FLNB: variants seen among roughly 807,000 people sequenced by gnomAD.
FLNB encodes filamin-B.
Under a neutral mutation model 250.6 loss-of-function variants are expected in FLNB, and 111 were observed. The ratio of observed to expected loss-of-function variants is 0.44; its 90% CI spans 0.38 to 0.52. FLNB has a LOEUF of 0.52. FLNB is among the 20% of genes least tolerant of loss of function. The pLI is 0.00. For synonymous variants in FLNB, 1,302 were observed against 1,372.1 expected, an observed-to-expected ratio of 0.95 and a Z score of 1.13; for missense variants, 2,869 against 3,447.8, an observed-to-expected ratio of 0.83 and a Z score of 4.20.
chr3:58,160,722 GGTGGCTCACAC>G (rs2097360059), intron 42 of FLNB, among the ~76,000 whole-genome samples: 5 of 152,106 alleles, frequency 3.3e-5, no homozygotes, highest in South Asian at 4.1e-4. Context: ...GACCAGGCAT[GGTGGCTCACAC>G]CTGTAATCTC....
intron 1 of FLNB, among the ~76,000 whole-genome samples, chr3:58,038,041 G>A (rs1188520536): frequency 1.3e-5 from 2 of 151,988 alleles, no homozygotes; most frequent in Non-Finnish European, 2.9e-5. Flanking sequence ...TTGTTTGTTT[G>A]TTTTTATGAC....
At chr3:58,095,764 G>A (rs948863881) in intron 5 of FLNB, among the ~76,000 whole-genome samples, 3 of 152,142 alleles carry the variant, frequency 2.0e-5, no homozygotes, top group Non-Finnish European at 4.4e-5. Context: ...TTCCCCCACC[G>A]GGGCAGGGAT....
At chr3:58,108,603 T>C (rs747442945) in intron 13 of FLNB, 32 bp downstream of exon 13, 2 of 1,413,330 alleles carry the variant, frequency 1.4e-6, no homozygotes, top group South Asian at 2.3e-5. Flanking sequence ...GTGCAGGTAA[T>C]TGTCAGGTAA....
intron 1 of FLNB, among the ~76,000 whole-genome samples, chr3:58,045,487 C>T (rs2097152461): frequency 1.3e-5 from 2 of 152,146 alleles, no homozygotes. Context: ...TTTTAAAGCT[C>T]ATCAGCTATC....
Position 58,123,247 on chromosome 3 carries a change from C to G in FLNB, c.3281C>G (p.Thr1094Ser), listed in dbSNP as rs2097292068. 1 of 1,614,144 alleles carries G rather than the reference C, an allele frequency of 6.2e-7. No homozygotes were observed. Among genetic ancestry groups the G allele is most frequent in the Non-Finnish European group, 8.5e-7 (1 of 1,180,024 alleles). The change falls in exon 21 of 46, where the codon ACC becomes AGC. Residue 1094 changes from threonine (T) to serine (S), a missense_variant. This residue lies in a region of FLNB where 1,348 missense variants were observed against 1,466.7 expected (regional missense o/e 0.92). Transcript: ENST00000295956. ...GAGTGCTCCGACAATGGTGATGGGA[C>G]CTGCTCCGTCTCTTACCTTCCCACA... ...KIECSDNGDGTCSVSYLPTKP... is the reference protein window; with the variant it reads ...KIECSDNGDGSCSVSYLPTKP...
At position 58,091,903 on chromosome 3, in the gene FLNB, A is replaced by C. The variant is rs1488996280; in HGVS notation, c.788-2933A>C. Among the ~76,000 whole-genome samples, 3 of 152,218 alleles carry C rather than the reference A, an allele frequency of 2.0e-5. No homozygotes were observed. In the East Asian group the frequency reaches 5.8e-4, roughly 29 times the overall value. On this transcript the variant is annotated intron_variant, in intron 4 of 45. Transcript: ENST00000295956. ...TCTGGGGGCTGGATTTTACTTTTACAAACAATTTAAAACTTTTTACAGTTA... is the reference window on the plus strand; with the variant it reads ...TCTGGGGGCTGGATTTTACTTTTACCAACAATTTAAAACTTTTTACAGTTA...
chr3:58,143,732 C>T lies in FLNB; in HGVS notation c.5425+119C>T, dbSNP rs996333068. 26 of 1,227,512 alleles carry T rather than the reference C, an allele frequency of 2.1e-5. No individual in the cohort carries two copies. The Admixed American group carries it at 3.2e-4, about 15-fold the overall frequency. The allele number at this position is 1,227,512 out of a possible 1,614,324, so 76.0% of individuals were successfully genotyped here. ...CTCGGCAGCAGGCTGGAGAATGCAG[C>T]GTTGGTACCCCTGTGAAACCAAACA... On this transcript the variant is annotated intron_variant, in intron 32 of 45. Coordinates refer to ENST00000295956, the MANE Select transcript of FLNB (RefSeq NM_001457.4).
intron 1 of FLNB, among the ~76,000 whole-genome samples, chr3:58,026,679 G>A (rs1559643540): frequency 6.6e-6 from 1 of 152,134 alleles, no homozygotes; most frequent in Non-Finnish European, 1.5e-5. Context: ...ATGGATAGAA[G>A]GAATCTGTCT....
At chr3:58,101,062 A>T (rs1296735478) in intron 8 of FLNB, among the ~76,000 whole-genome samples, 1 of 152,210 alleles carries the variant, frequency 6.6e-6, no homozygotes, top group Non-Finnish European at 1.5e-5. Flanking sequence ...TTCACAATGG[A>T]AAACCAAAGT....
At chr3:58,090,024 T>C (rs2097223837) in intron 4 of FLNB, among the ~76,000 whole-genome samples, 1 of 152,194 alleles carries the variant, frequency 6.6e-6, no homozygotes, top group Admixed American at 6.5e-5. Flanking sequence ...TGACCTTAGG[T>C]GATCCACCTC....
intron 1 of FLNB, among the ~76,000 whole-genome samples, chr3:58,070,952 G>T (rs9845820): frequency 3.4e-4 from 48 of 139,654 alleles, no homozygotes; most frequent in African/African-American, 1.1e-3. Flanking sequence ...TCTCTCTCTT[G>T]TTTTTTTTTT....
At chr3:58,069,240 T>C (rs1271675818) in intron 1 of FLNB, among the ~76,000 whole-genome samples, 1 of 144,240 alleles carries the variant, frequency 6.9e-6, no homozygotes, top group African/African-American at 2.6e-5. Flanking sequence ...TTCTTTTTTT[T>C]TTTTTTTTTT....
rs760921557 is a variant in FLNB, at chr3:58,008,884, C to G, written c.292+28C>G. ...GAGTTCTCTGGCCGGGCCCAGGCGC[C>G]CACTGTGGTGCCGACCCGCCCCCGC... On this transcript the variant is annotated intron_variant, in intron 1 of 45. Transcript: ENST00000295956. The G allele has an allele frequency of 2.4e-5, 39 of 1,612,870 alleles. No homozygotes were observed. In the Middle Eastern group the frequency reaches 6.6e-4, roughly 27 times the overall value.
At chr3:58,023,187 C>T in intron 1 of FLNB, among the ~76,000 whole-genome samples, 1 of 147,776 alleles carries the variant, frequency 6.8e-6, no homozygotes, top group East Asian at 2.0e-4. Flanking sequence ...CAACTTCTGC[C>T]TCCTGGGTTC....
intron 1 of FLNB, among the ~76,000 whole-genome samples, chr3:58,028,187 G>A (rs1433765010): frequency 6.6e-6 from 1 of 152,172 alleles, no homozygotes; most frequent in South Asian, 2.1e-4. Flanking sequence ...TGTGCCAGGG[G>A]TGTAGAGGGG....
At chr3:58,106,973 GAGGAA>G (rs2097260786) in intron 12 of FLNB, 100 bp downstream of exon 12, 2 of 863,496 alleles carry the variant, frequency 2.3e-6, no homozygotes, top group Non-Finnish European at 3.9e-6. Flanking sequence ...AGATGGCAGA[GAGGAA>G]TCATTTGGAT....
At chr3:58,070,054 T>TTTTC in intron 1 of FLNB, among the ~76,000 whole-genome samples, 1 of 149,970 alleles carries the variant, frequency 6.7e-6, no homozygotes, top group Admixed American at 6.6e-5. Context: ...TCTTTCTTTT[T>TTTTC]TTTTTTTTTT....
rs188145065 is a variant in FLNB, at chr3:58,125,496, A to G, written c.3899-85A>G. The G allele has an allele frequency of 5.8e-4, 846 of 1,458,960 alleles. 5 individuals carry two copies. The African/African-American group carries it at 0.01, about 18-fold the overall frequency. The allele number at this position is 1,458,960 out of a possible 1,614,324, so 90.4% of individuals were successfully genotyped here. On this transcript the variant is annotated intron_variant, in intron 22 of 45. Coordinates refer to ENST00000295956, the MANE Select transcript of FLNB (RefSeq NM_001457.4). ...AGTATAGCATGCAGACTTCGATGCT[A>G]GATGAAACTCTGAAGTAGAGAATCA...
intron 1 of FLNB, among the ~76,000 whole-genome samples, chr3:58,062,956 G>A (rs985466244): frequency 2.0e-5 from 3 of 152,162 alleles, no homozygotes; most frequent in East Asian, 1.9e-4. Flanking sequence ...AGTAGCCCCC[G>A]TGAATTTGAT....
Sources: allele counts gnomAD v4.1 joint callset (sites outside exome capture counted in the v4.1 genomes callset), GRCh38; gene constraint gnomAD v4.1.1; regional missense constraint gnomAD v4.1.1; transcripts MANE v1.5; gene names NCBI Gene and HGNC (gene_info 2026-07-23, HGNC 2026-07-21).